The following LANCL2 variants were observed in gnomAD, a reference collection of about 807,000 sequenced individuals.
The protein encoded by LANCL2 is LanC like glutathione S-transferase 2, also known as lanC-like protein 2.
In LANCL2, 33 loss-of-function variants were observed where a neutral mutation model predicts 56.9. The observed-to-expected ratio is 0.58, with a 90% confidence interval of 0.44 to 0.78. LANCL2 has a LOEUF of 0.78. Ranked by LOEUF, LANCL2 falls within the 30% of genes least tolerant of loss-of-function variation. The pLI is 0.00. For synonymous variants in LANCL2, 233 were observed against 228.2 expected, an observed-to-expected ratio of 1.02 and a Z score of -0.19; for missense variants, 562 against 580.2, an observed-to-expected ratio of 0.97 and a Z score of 0.32.
In LANCL2 at chr7:55,365,924, AG is replaced by A; in HGVS notation, c.-100del. ...CAGCGCGCGGCCTCGCTCCTCCTAG[AG>A]GACGCTCTCTGCGCGGGCCCTCGGA... is the stretch of plus-strand genomic sequence containing the variant. On this transcript the variant is annotated 5_prime_UTR_variant, in exon 1 of 9. Transcript: ENST00000254770. 1.1e-6 allele frequency: 1 copy of A among 930,810 alleles called. No individual in the cohort carries two copies. The highest frequency in any genetic ancestry group is 3.3e-5 in the East Asian group (1 of 30,656). 57.7% of individuals were successfully genotyped at this position (930,810 alleles called of 1,614,324 possible).
In LANCL2 at chr7:55,432,426, CTT is replaced by C. The variant is rs1367607750; in HGVS notation, c.*1109_*1110del. On this transcript the variant is annotated 3_prime_UTR_variant, in exon 9 of 9. Transcript: ENST00000254770. The stretch of plus-strand genomic sequence containing the variant: ...CAACAACATTATGGTATTTGTGTGA[CTT>C]TTATTTGAAAAAATGTGAGCAGTAA... 3.9e-5 allele frequency: 6 copies of C among 152,262 alleles called. No individual in the cohort carries two copies. In the East Asian group the frequency reaches 1.2e-3, roughly 29 times the overall value. The allele number at this position is 152,262 out of a possible 1,614,324, so 9.4% of individuals were successfully genotyped here. A position where few individuals can be genotyped will look rare whatever the true frequency, so the allele number is the denominator to read the frequency against.
At chr7:55,392,352 G>A (rs149575280) in intron 2 of LANCL2, among the ~76,000 whole-genome samples, 4 of 142,322 alleles carry the variant, frequency 2.8e-5, no homozygotes, top group Admixed American at 7.1e-5. Context: ...TTTTTGAGAC[G>A]GAGTCTCTGT....
intron 2 of LANCL2, among the ~76,000 whole-genome samples, chr7:55,397,656 CTTTT>C (rs10659615): frequency 1.8e-5 from 2 of 108,852 alleles, no homozygotes; most frequent in Admixed American, 1.0e-4. Context: ...TATACTGATT[CTTTT>C]TTTTTTTTTT....
chr7:55,411,632 C>G (rs972741645), intron 5 of LANCL2, among the ~76,000 whole-genome samples: 4 of 152,148 alleles, frequency 2.6e-5, no homozygotes, highest in Admixed American at 6.5e-5. Flanking sequence ...CTATCTACTC[C>G]TAGGTTCACT....
At chr7:55,387,637 CAT>C (rs1343298890) in intron 1 of LANCL2, among the ~76,000 whole-genome samples, 3 of 150,408 alleles carry the variant, frequency 2.0e-5, no homozygotes, top group South Asian at 4.3e-4. Flanking sequence ...CTTGTTTTAA[CAT>C]AGAGGATTAA....
intron 1 of LANCL2, among the ~76,000 whole-genome samples, chr7:55,388,418 T>C (rs575402393): frequency 5.3e-5 from 8 of 152,218 alleles, no homozygotes; most frequent in African/African-American, 1.9e-4. Flanking sequence ...TGGTGGTGCA[T>C]GCCTGTAATC....
At chr7:55,379,155 AC>A (rs1181482646) in intron 1 of LANCL2, among the ~76,000 whole-genome samples, 26 of 131,574 alleles carry the variant, frequency 2.0e-4, no homozygotes, top group Middle Eastern at 7.3e-3. Flanking sequence ...GTCTCAAAAA[AC>A]ACAAAACAAA....
intron 6 of LANCL2, among the ~76,000 whole-genome samples, chr7:55,424,455 C>T (rs1347039320): frequency 6.6e-6 from 1 of 152,166 alleles, no homozygotes; most frequent in African/African-American, 2.4e-5. Context: ...GTGTACTGAT[C>T]AGTGTATTGG....
chr7:55,428,285 C>A, intron 7 of LANCL2, 90 bp from the exon 8 acceptor site: 1 of 1,166,496 alleles, frequency 8.6e-7, no homozygotes, highest in South Asian at 1.2e-5. Context: ...GGTCCACTTC[C>A]CTGATGCCTG....
At chr7:55,402,563 C>G (rs1429182858) in intron 5 of LANCL2, among the ~76,000 whole-genome samples, 4 of 126,088 alleles carry the variant, frequency 3.2e-5, no homozygotes, top group Non-Finnish European at 6.8e-5. Context: ...CTGACCCCCC[C>G]ACATCCTTCC....
intron 8 of LANCL2, among the ~76,000 whole-genome samples, chr7:55,429,161 G>T (rs1790700548): frequency 6.6e-6 from 1 of 152,182 alleles, no homozygotes; most frequent in Non-Finnish European, 1.5e-5. Flanking sequence ...TTTGGTATCA[G>T]GGTCATACTG....
Position 55,400,044 on chromosome 7 carries a change from C to A in LANCL2, c.618C>A (p.Ala206=). The A allele has an allele frequency of 6.2e-7, 1 of 1,613,668 alleles. No homozygotes were observed. The highest frequency in any genetic ancestry group is 1.3e-5 in the African/African-American group (1 of 75,016). Residue 206 remains alanine, a synonymous_variant, in exon 4 of 9, where the codon GCC becomes GCA. Transcript: ENST00000254770. ...LLYGRAGYLY[A]LLYLNTEIGP... ...ATGGACGGGCAGGTTATCTGTATGCCTTACTGTACCTGAACACAGAGATAG... is the reference window on the plus strand; with the variant it reads ...ATGGACGGGCAGGTTATCTGTATGCATTACTGTACCTGAACACAGAGATAG...
At chr7:55,366,372 C>G (rs894904570) in intron 1 of LANCL2, 143 bp downstream of exon 1, 8 of 668,036 alleles carry the variant, frequency 1.2e-5, no homozygotes, top group African/African-American at 9.6e-5. Flanking sequence ...GTCTCCGGGC[C>G]TTCCCGATGA....
intron 5 of LANCL2, among the ~76,000 whole-genome samples, chr7:55,408,112 CTGTTGCA>C (rs1790430906): frequency 6.6e-6 from 1 of 152,178 alleles, no homozygotes; most frequent in Non-Finnish European, 1.5e-5. Context: ...ATAAGAGAAG[CTGTTGCA>C]TCCAAGAAAC....
intron 1 of LANCL2, among the ~76,000 whole-genome samples, chr7:55,377,883 A>G (rs766839493): frequency 1.3e-5 from 2 of 152,224 alleles, no homozygotes; most frequent in Non-Finnish European, 2.9e-5. Context: ...TTCATATGGT[A>G]TGACTGAGTG....
intron 1 of LANCL2, among the ~76,000 whole-genome samples, chr7:55,380,752 C>G (rs1038432004): frequency 4.0e-5 from 6 of 150,096 alleles, no homozygotes; most frequent in African/African-American, 1.2e-4. Flanking sequence ...GAGCGTGTTA[C>G]AGTGCGTGAT....
At chr7:55,373,258 A>AT (rs1255175539) in intron 1 of LANCL2, among the ~76,000 whole-genome samples, 1 of 149,964 alleles carries the variant, frequency 6.7e-6, no homozygotes, top group Non-Finnish European at 1.5e-5. Context: ...TTGAGTTATT[A>AT]TTTTTTAATT....
At chr7:55,403,022 C>A (rs1790359610) in intron 5 of LANCL2, among the ~76,000 whole-genome samples, 1 of 151,976 alleles carries the variant, frequency 6.6e-6, no homozygotes, top group Non-Finnish European at 1.5e-5. Flanking sequence ...ACGCTCCTCA[C>A]TTCCCAGACG....
At chr7:55,410,320 G>T (rs901374824) in intron 5 of LANCL2, among the ~76,000 whole-genome samples, 1 of 152,136 alleles carries the variant, frequency 6.6e-6, no homozygotes, top group Non-Finnish European at 1.5e-5. Flanking sequence ...TTTTTAAAAA[G>T]CTAATATATT....
Sources: gnomAD v4.1 joint callset for allele counts (sites outside exome capture counted in the v4.1 genomes callset) on GRCh38, gnomAD v4.1.1 for gene constraint, MANE v1.5 for transcripts, NCBI Gene and HGNC (gene_info 2026-07-23, HGNC 2026-07-21) for gene names.